Variants in CAMSAP2 observed in about 807,000 individuals in gnomAD.
The protein encoded by CAMSAP2 is calmodulin regulated spectrin associated protein family member 2, also known as calmodulin-regulated spectrin-associated protein 2.
In CAMSAP2, 26 loss-of-function variants were observed where a neutral mutation model predicts 146.1. The ratio of observed to expected loss-of-function variants is 0.18; its 90% CI spans 0.13 to 0.25. The LOEUF (loss-of-function observed/expected upper bound fraction) is 0.25, where lower values mean the gene tolerates loss of function less well. CAMSAP2 is among the 10% of genes least tolerant of loss of function. The probability of loss-of-function intolerance (pLI) is 1.00; values close to 1 mark genes in which losing one functional copy is unlikely to be tolerated. For synonymous variants in CAMSAP2, 499 were observed against 596.6 expected (o/e 0.84, Z 2.38); for missense variants, 1,381 against 1,759.3 (o/e 0.78, Z 3.85).
chr1:200,848,067 T>C lies in CAMSAP2; in HGVS notation c.1298T>C (p.Phe433Ser). 2.6e-6 allele frequency: 4 copies of C among 1,558,744 alleles called. No homozygotes were observed. The highest frequency in any genetic ancestry group is 3.5e-6 in the Non-Finnish European group (4 of 1,156,580). The part of the protein sequence containing the change: ...SVHGVSFDIS[F>S]DKEDSVQRST... Reference sequence around the variant, plus strand: ...CATGGCGTATCATTTGATATTTCTTTTGATAAAGAAGATAGTGTACAGAGA... The same window carrying C: ...CATGGCGTATCATTTGATATTTCTTCTGATAAAGAAGATAGTGTACAGAGA... The change falls in exon 11 of 17, where the codon TTT (phenylalanine) becomes TCT (serine). Residue 433 changes from phenylalanine (F) to serine (S), a missense_variant. Coordinates refer to ENST00000358823, the MANE Select transcript of CAMSAP2 (RefSeq NM_203459.4).
chr1:200,860,074 A>G lies in CAMSAP2; in HGVS notation c.*2015A>G, dbSNP rs777843233. The G allele has an allele frequency of 6.5e-6, 1 of 152,744 alleles. No individual in the cohort carries two copies. The highest frequency in any genetic ancestry group is 1.5e-5 in the Non-Finnish European group (1 of 67,990). The allele number at this position is 152,744 out of a possible 1,614,324, so 9.5% of individuals were successfully genotyped here. A position where few individuals can be genotyped will look rare whatever the true frequency, so the allele number is the denominator to read the frequency against. On this transcript the variant is annotated 3_prime_UTR_variant, in exon 17 of 17. Transcript: ENST00000358823. The stretch of plus-strand genomic sequence containing the variant: ...TTATTCTTAAATTTGTGTGTGTCCA[A>G]CAGTTGAATTGAATGTCTATAAGGT...
chr1:200,825,468 A>G (rs1047615600), intron 4 of CAMSAP2, among the ~76,000 whole-genome samples: 2 of 150,970 alleles, frequency 1.3e-5, no homozygotes, highest in African/African-American at 4.9e-5. Context: ...AAATTACTCC[A>G]TACGGTCCCT....
intron 2 of CAMSAP2, among the ~76,000 whole-genome samples, chr1:200,777,315 T>A (rs1665308189): frequency 6.6e-6 from 1 of 152,208 alleles, no homozygotes; most frequent in African/African-American, 2.4e-5. Flanking sequence ...TCCTTCCCCT[T>A]GAGCCAACTT....
intron 4 of CAMSAP2, among the ~76,000 whole-genome samples, chr1:200,823,957 C>T (rs1459640038): frequency 6.6e-6 from 1 of 152,168 alleles, no homozygotes; most frequent in Non-Finnish European, 1.5e-5. Context: ...CAATCTAATA[C>T]TGCGTTGTTT....
intron 4 of CAMSAP2, among the ~76,000 whole-genome samples, chr1:200,827,665 A>T (rs1015193615): frequency 3.9e-5 from 4 of 102,158 alleles, no homozygotes; most frequent in African/African-American, 1.8e-4. Context: ...AGTTCTTGAA[A>T]ATACCTTATT....
In CAMSAP2 at chr1:200,853,428, A is replaced by T. The variant is rs1338468801; in HGVS notation, c.3756A>T (p.Lys1252Asn). 6.2e-7 allele frequency: 1 copy of T among 1,614,006 alleles called. No homozygotes were observed. Among genetic ancestry groups the T allele is most frequent in the Non-Finnish European group, 8.5e-7 (1 of 1,179,944 alleles). The change falls in exon 13 of 17, where the codon AAA becomes AAT. Residue 1252 changes from lysine (K) to asparagine (N), a missense_variant. Physicochemically the swap from Lys to Asn is moderately conservative, Grantham distance 94. Coordinates refer to ENST00000358823, the MANE Select transcript of CAMSAP2 (RefSeq NM_203459.4). This position sits in a 1 kb window ranked among gnomAD's most constrained non-coding sequence, Gnocchi z 5.1. Reference protein sequence around the residue: ...KPRPQVVKQKKQRPKSIHRDH... With the variant: ...KPRPQVVKQKNQRPKSIHRDH... ...GTCCTCAAGTAGTAAAACAAAAAAA[A>T]CAGCGACCAAAATCTATTCACAGAG...
At chr1:200,847,913 A>G (rs1226139823) in intron 10 of CAMSAP2, 119 bp from the exon 11 acceptor site, 2 of 843,804 alleles carry the variant, frequency 2.4e-6, no homozygotes, top group Non-Finnish European at 3.6e-6. Flanking sequence ...CCTTGAAGAC[A>G]GTATGATTAT....
chr1:200,767,110 C>T (rs1318226091), intron 2 of CAMSAP2, among the ~76,000 whole-genome samples: 2 of 152,088 alleles, frequency 1.3e-5, no homozygotes, highest in Non-Finnish European at 1.5e-5. Flanking sequence ...GCAGGTGGAT[C>T]ACCTGAGGTC....
chr1:200,848,562 C>G lies in CAMSAP2; in HGVS notation c.1793C>G (p.Ala598Gly), dbSNP rs1463639368. The G allele has an allele frequency of 6.2e-7, 1 of 1,613,840 alleles. No homozygotes were observed. Among genetic ancestry groups the G allele is most frequent in the East Asian group, 2.2e-5 (1 of 44,894 alleles). The change falls in exon 11 of 17, where the codon GCC (alanine) becomes GGC (glycine). Residue 598 changes from alanine to glycine, a missense_variant. This residue lies in a region of CAMSAP2 where 447 missense variants were observed against 462.2 expected (regional missense o/e 0.97). Coordinates refer to ENST00000358823, the MANE Select transcript of CAMSAP2 (RefSeq NM_203459.4). ...GATAATGTAACTGATACGAAAGGTG[C>G]CTTGAGTCCCATAACTGACAATACT... ...SPDNVTDTKG[A>G]LSPITDNTEV... is the part of the protein sequence containing the mutation.
intron 3 of CAMSAP2, among the ~76,000 whole-genome samples, chr1:200,814,056 C>G (rs940095150): frequency 7.2e-6 from 1 of 139,318 alleles, no homozygotes; most frequent in Non-Finnish European, 1.5e-5. Context: ...TGTAGTAAGT[C>G]GAGATCACGC....
chr1:200,817,434 G>A (rs1428833068), intron 4 of CAMSAP2, among the ~76,000 whole-genome samples: 2 of 151,930 alleles, frequency 1.3e-5, no homozygotes, highest in Non-Finnish European at 2.9e-5. Context: ...AAGACCAAAA[G>A]CATATTTTCT....
chr1:200,786,353 A>T (rs1266706131), intron 2 of CAMSAP2, among the ~76,000 whole-genome samples: 1 of 149,714 alleles, frequency 6.7e-6, no homozygotes, highest in Non-Finnish European at 1.5e-5. Flanking sequence ...TTCTTTTCTG[A>T]TACAAGCACT....
At chr1:200,794,918 A>G (rs757036262) in intron 2 of CAMSAP2, among the ~76,000 whole-genome samples, 3 of 152,188 alleles carry the variant, frequency 2.0e-5, no homozygotes, top group South Asian at 4.1e-4. Context: ...TCCTAACCCT[A>G]TTCTTGACAT....
At chr1:200,790,963 G>A (rs553569565) in intron 2 of CAMSAP2, among the ~76,000 whole-genome samples, 8 of 152,160 alleles carry the variant, frequency 5.3e-5, no homozygotes, top group Admixed American at 2.6e-4. Flanking sequence ...TCCAGCCTCA[G>A]CCTCCCAAAT....
At chr1:200,798,115 A>G (rs1277093654) in intron 2 of CAMSAP2, among the ~76,000 whole-genome samples, 5 of 148,268 alleles carry the variant, frequency 3.4e-5, no homozygotes, top group Admixed American at 1.3e-4. Context: ...TGATGCCTCC[A>G]GCTTTGTTCT....
chr1:200,839,665 A>C (rs947646727), intron 6 of CAMSAP2, among the ~76,000 whole-genome samples: 5 of 152,316 alleles, frequency 3.3e-5, no homozygotes, highest in African/African-American at 1.2e-4. Context: ...ATGCAAAGGC[A>C]TAAGAATGAT....
At chr1:200,837,331 A>G (rs1355901840) in intron 6 of CAMSAP2, among the ~76,000 whole-genome samples, 1 of 152,092 alleles carries the variant, frequency 6.6e-6, no homozygotes, top group Non-Finnish European at 1.5e-5. Context: ...TCCCAGCACC[A>G]TTTGTTGAAT....
At chr1:200,821,710 A>C (rs1666770869) in intron 4 of CAMSAP2, among the ~76,000 whole-genome samples, 2 of 152,024 alleles carry the variant, frequency 1.3e-5, no homozygotes, top group Admixed American at 6.5e-5. Flanking sequence ...CTTTCATAAT[A>C]ATTTACTTGC....
At chr1:200,838,580 A>G (rs1238200939) in intron 6 of CAMSAP2, among the ~76,000 whole-genome samples, 2 of 152,270 alleles carry the variant, frequency 1.3e-5, no homozygotes, top group Non-Finnish European at 2.9e-5. Flanking sequence ...ATGAGCATAA[A>G]CTTTGTCTTT....
Sources: gnomAD v4.1 joint callset for allele counts (sites outside exome capture counted in the v4.1 genomes callset) on GRCh38, gnomAD v4.1.1 for gene constraint, gnomAD v4.1.1 regional missense constraint, Gnocchi (gnomAD v3.1) non-coding constraint, MANE v1.5 for transcripts, NCBI Gene and HGNC (gene_info 2026-07-23, HGNC 2026-07-21) for gene names.